The following CNTN5 variants were observed in gnomAD, a reference collection of about 807,000 sequenced individuals.
CNTN5 encodes contactin-5.
Under a neutral mutation model 129.1 loss-of-function variants are expected in CNTN5, and 77 were observed. The observed-to-expected ratio is 0.60, with a 90% CI of 0.50 to 0.72. The LOEUF (loss-of-function observed/expected upper bound fraction) is 0.72, where lower values mean the gene tolerates loss of function less well. CNTN5 is among the 30% of genes least tolerant of loss of function. The pLI, the probability that CNTN5 is intolerant of heterozygous loss-of-function variation, is 0.00. For synonymous variants in CNTN5, 509 were observed against 465.6 expected, an observed-to-expected ratio of 1.09 and a Z score of -1.20; for missense variants, 1,478 against 1,328.8, an observed-to-expected ratio of 1.11 and a Z score of -1.75.
Position 99,684,183 on chromosome 11 carries a change from G to A in CNTN5, c.55+127914G>A, listed in dbSNP as rs1004383612. Among the ~76,000 whole-genome samples, 70 of 151,644 alleles carry A rather than the reference G, an allele frequency of 4.6e-4. 3 individuals are homozygous for A. Among genetic ancestry groups the A allele is most frequent in the Admixed American group, 2.0e-4 (3 of 15,212 alleles). On this transcript the variant is annotated intron_variant, in intron 3 of 24. Coordinates refer to ENST00000524871, the MANE Select transcript of CNTN5 (RefSeq NM_014361.4). Reference sequence around the variant, plus strand: ...TTCTGCATGTAAATGAGATCATGTGGTATTTCACCTACTATGCCTGTGAGT... The same window carrying A: ...TTCTGCATGTAAATGAGATCATGTGATATTTCACCTACTATGCCTGTGAGT...
chr11:99,407,569 C>T (rs1435237422), intron 2 of CNTN5, among the ~76,000 whole-genome samples: 5 of 152,144 alleles, frequency 3.3e-5, no homozygotes, highest in Non-Finnish European at 5.9e-5. Context: ...GCTGGTGTCT[C>T]AGTAGGTCAT....
intron 2 of CNTN5, among the ~76,000 whole-genome samples, chr11:99,422,524 A>ATATT (rs1037871658): frequency 8.5e-5 from 2 of 23,536 alleles, no homozygotes; most frequent in Admixed American, 6.3e-4. Context: ...ATTTTTATAT[A>ATATT]TATATATATA....
chr11:100,072,371 C>A (rs1285029633), intron 12 of CNTN5, among the ~76,000 whole-genome samples: 1 of 152,182 alleles, frequency 6.6e-6, no homozygotes, highest in Non-Finnish European at 1.5e-5. Flanking sequence ...CATAGGGTTA[C>A]ACCCTTGATA....
At chr11:99,594,425 C>G (rs1440984642) in intron 3 of CNTN5, among the ~76,000 whole-genome samples, 1 of 152,104 alleles carries the variant, frequency 6.6e-6, no homozygotes, top group African/African-American at 2.4e-5. Context: ...TAGTCTTGGT[C>G]TGTTTCTTTG....
intron 4 of CNTN5, among the ~76,000 whole-genome samples, chr11:99,843,235 A>G (rs1947573578): frequency 6.6e-6 from 1 of 152,154 alleles, no homozygotes; most frequent in South Asian, 2.1e-4. Context: ...CAAACAAACA[A>G]AAAACTTGCA....
At chr11:99,254,076 A>C (rs1015055427) in intron 1 of CNTN5, among the ~76,000 whole-genome samples, 5 of 151,810 alleles carry the variant, frequency 3.3e-5, no homozygotes, top group Non-Finnish European at 5.9e-5. Context: ...GCAGTAACAC[A>C]CAGTGGCATT....
At chr11:99,410,062 T>C (rs1347365321) in intron 2 of CNTN5, among the ~76,000 whole-genome samples, 2 of 152,232 alleles carry the variant, frequency 1.3e-5, no homozygotes, top group African/African-American at 4.8e-5. Context: ...ATTAATATCA[T>C]AACCTTGTTG....
chr11:100,212,086 C>G (rs1213337205), intron 15 of CNTN5, among the ~76,000 whole-genome samples: 3 of 152,128 alleles, frequency 2.0e-5, no homozygotes, highest in South Asian at 4.1e-4. Flanking sequence ...GTATTTTACT[C>G]TGTCCTACTG....
chr11:99,443,297 C>T (rs11219937), intron 2 of CNTN5, among the ~76,000 whole-genome samples: 20,949 of 152,204 alleles, frequency 0.14, 1,878 homozygotes, highest in Middle Eastern at 0.28. Flanking sequence ...ATGGTTAGCT[C>T]CTGCCCTTTT....
chr11:100,218,155 T>G (rs1340661392), intron 15 of CNTN5, among the ~76,000 whole-genome samples: 2 of 152,180 alleles, frequency 1.3e-5, no homozygotes, highest in Non-Finnish European at 2.9e-5. Context: ...AAAGAATATT[T>G]GGAGAAAATA....
At chr11:99,126,184 G>T (rs539963030) in intron 1 of CNTN5, among the ~76,000 whole-genome samples, 1 of 152,070 alleles carries the variant, frequency 6.6e-6, no homozygotes, top group Non-Finnish European at 1.5e-5. Context: ...AATGTCCACC[G>T]CAGCTCAATA....
At chr11:100,343,211 T>C (rs1328372731) in intron 23 of CNTN5, among the ~76,000 whole-genome samples, 14 of 152,194 alleles carry the variant, frequency 9.2e-5, no homozygotes. Flanking sequence ...ATCACTAGCA[T>C]AGTCCATTTT....
Position 100,070,463 on chromosome 11 carries a change from T to C in CNTN5, c.1202T>C (p.Leu401Ser), listed in dbSNP as rs748362593. ...HWVEKLNDTQ[L>S]DSGSPLRWEC... ...GTAGAAAAACTGAATGATACTCAGT[T>C]AGACAGTGGGAGCCCTCTCCGATGG... is the stretch of plus-strand genomic sequence containing the variant. The change falls in exon 11 of 25, where the codon TTA (leucine) becomes TCA (serine). Residue 401 changes from leucine (L) to serine (S), a missense_variant. Coordinates refer to ENST00000524871, the MANE Select transcript of CNTN5 (RefSeq NM_014361.4). 1 of 1,612,658 alleles carries C rather than the reference T, an allele frequency of 6.2e-7. No homozygotes were observed.
chr11:99,527,038 T>C (rs1475056910), intron 2 of CNTN5, among the ~76,000 whole-genome samples: 1 of 152,364 alleles, frequency 6.6e-6, no homozygotes, highest in African/African-American at 2.4e-5. Context: ...GTAAGCCTGT[T>C]AACATCTCAC....
chr11:99,492,137 C>T (rs561579160), intron 2 of CNTN5, among the ~76,000 whole-genome samples: 1 of 152,140 alleles, frequency 6.6e-6, no homozygotes, highest in African/African-American at 2.4e-5. Flanking sequence ...AACAAAGATA[C>T]TTTGTTCATG....
At chr11:99,398,471 C>A (rs1227007227) in intron 2 of CNTN5, among the ~76,000 whole-genome samples, 1 of 151,876 alleles carries the variant, frequency 6.6e-6, no homozygotes, top group Non-Finnish European at 1.5e-5. Context: ...CTGTATCATA[C>A]AGGACAGTTT....
Position 100,357,927 on chromosome 11 carries a change from A to G in CNTN5, c.*1707A>G, listed in dbSNP as rs1952561530. On this transcript the variant is annotated 3_prime_UTR_variant, in exon 25 of 25. Transcript: ENST00000524871. Reference sequence around the variant, plus strand: ...AGAAATTAGTTAAAAGACTCACTCAATGATATTATAGTAAATACTACAGAT... The same window carrying G: ...AGAAATTAGTTAAAAGACTCACTCAGTGATATTATAGTAAATACTACAGAT... The G allele has an allele frequency of 6.6e-6, 1 of 151,822 alleles. No individual in the cohort carries two copies. The highest frequency in any genetic ancestry group is 2.4e-5 in the African/African-American group (1 of 41,414). The allele number at this position is 151,822 out of a possible 1,614,324, so 9.4% of individuals were successfully genotyped here. A position where few individuals can be genotyped will look rare whatever the true frequency, so the allele number is the denominator to read the frequency against.
intron 3 of CNTN5, among the ~76,000 whole-genome samples, chr11:99,666,060 G>T (rs1439910856): frequency 2.6e-5 from 4 of 151,960 alleles, no homozygotes; most frequent in African/African-American, 9.7e-5. Flanking sequence ...CACCTCCCAG[G>T]TTCAAGCAGT....
At chr11:99,958,906 G>C (rs1950871220) in intron 8 of CNTN5, among the ~76,000 whole-genome samples, 1 of 152,060 alleles carries the variant, frequency 6.6e-6, no homozygotes, top group Non-Finnish European at 1.5e-5. Context: ...TTTCACACCA[G>C]AGACCTCTTT....
Sources: allele counts gnomAD v4.1 joint callset (sites outside exome capture counted in the v4.1 genomes callset), GRCh38; gene constraint gnomAD v4.1.1; transcripts MANE v1.5; gene names NCBI Gene and HGNC (gene_info 2026-07-23, HGNC 2026-07-21).